NUP188: variants seen among roughly 807,000 people sequenced by gnomAD.
NUP188 encodes the protein nucleoporin 188.
Under a neutral mutation model 223.0 loss-of-function variants are expected in NUP188, and 97 were observed. That is an observed-to-expected ratio of 0.43 (90% confidence interval 0.37 to 0.51). The LOEUF (loss-of-function observed/expected upper bound fraction) is 0.51, where lower values mean the gene tolerates loss of function less well. Among genes scored for constraint, NUP188 ranks in the 20% least tolerant of loss-of-function variants. The pLI, the probability that NUP188 is intolerant of heterozygous loss-of-function variation, is 0.00. For missense variants in NUP188, 1,947 were observed against 2,175.6 expected, an observed-to-expected ratio of 0.89 and a Z score of 2.09; for synonymous variants, 869 against 828.0, an observed-to-expected ratio of 1.05 and a Z score of -0.85.
chr9:128,994,513 G>A, intron 28 of NUP188, 71 bp downstream of exon 28: 4 of 1,031,840 alleles, frequency 3.9e-6, no homozygotes, highest in South Asian at 1.3e-5. Context: ...TGTGAGATGG[G>A]GCCGTAGACA....
chr9:128,956,614 C>G (rs967166666), intron 4 of NUP188, among the ~76,000 whole-genome samples, 180 bp downstream of exon 4: 4 of 152,180 alleles, frequency 2.6e-5, no homozygotes, highest in Admixed American at 2.6e-4. Context: ...GATCCATTCA[C>G]TGCATATCAT....
chr9:129,002,858 G>C lies in NUP188; in HGVS notation c.4179G>C (p.Trp1393Cys). Residue 1393 changes from tryptophan to cysteine, a missense_variant, in exon 37 of 44, where the codon TGG becomes TGC. Coordinates refer to ENST00000372577, the MANE Select transcript of NUP188 (RefSeq NM_015354.3). ...GGAAGTCCCTGGATGCCCCCTCTTG[G>C]CCAGGAGTCTACCGCCTGTCCATGT... ...ASRKSLDAPS[W>C]PGVYRLSMSL... The C allele has an allele frequency of 6.2e-7, 1 of 1,614,172 alleles. No individual in the cohort carries two copies. The highest frequency in any genetic ancestry group is 8.5e-7 in the Non-Finnish European group (1 of 1,180,044).
chr9:128,957,862 C>T, intron 5 of NUP188, 148 bp from the exon 6 acceptor site: 1 of 623,548 alleles, frequency 1.6e-6, no homozygotes, highest in East Asian at 3.0e-5. Flanking sequence ...GGTTTGGGTA[C>T]ATTTGGGTAA....
intron 30 of NUP188, among the ~76,000 whole-genome samples, chr9:128,997,879 C>G (rs918065641): frequency 1.3e-5 from 2 of 151,552 alleles, no homozygotes; most frequent in Non-Finnish European, 2.9e-5. Context: ...CGCCACCATG[C>G]CTGGCTAATT....
At position 128,995,515 on chromosome 9, in the gene NUP188, G is replaced by T; in HGVS notation, c.3351+1G>T. On this transcript the variant is annotated splice_donor_variant, in intron 30 of 43. Transcript: ENST00000372577. LOFTEE classifies it high-confidence loss of function. ...GCTTCTCATCATTGCCACCACTCAT[G>T]TAAGACCCTTTTGGGGAGAGTTTTC... 6.3e-7 allele frequency: 1 copy of T among 1,579,160 alleles called. No individual in the cohort carries two copies. Among genetic ancestry groups the T allele is most frequent in the Non-Finnish European group, 8.6e-7 (1 of 1,164,254 alleles).
chr9:128,997,784 G>A (rs953336581), intron 30 of NUP188, among the ~76,000 whole-genome samples: 2 of 151,868 alleles, frequency 1.3e-5, no homozygotes, highest in South Asian at 2.1e-4. Context: ...GCAGTGGTGC[G>A]ATCTCGGCTC....
Position 128,957,753 on chromosome 9 carries a change from C to T in NUP188, c.328-257C>T, listed in dbSNP as rs548466488. Among the ~76,000 whole-genome samples the T allele has an allele frequency of 1.8e-3, 268 of 152,242 alleles. 3 individuals are homozygous for T. The highest frequency in any genetic ancestry group is 0.011 in the South Asian group (54 of 4,820). ...TACTTGGATTACAGGCGTGAGCCAC[C>T]GCACCCGGCCAGGATTTGGTAGAAT... is the stretch of plus-strand genomic sequence containing the variant. On this transcript the variant is annotated intron_variant, in intron 5 of 43. Coordinates refer to ENST00000372577, the MANE Select transcript of NUP188 (RefSeq NM_015354.3).
Position 129,005,729 on chromosome 9 carries a change from G to A in NUP188, c.4822G>A (p.Gly1608Arg). The A allele has an allele frequency of 6.2e-7, 1 of 1,614,008 alleles. No homozygotes were observed. Among genetic ancestry groups the A allele is most frequent in the Non-Finnish European group, 8.5e-7 (1 of 1,179,982 alleles). Residue 1608 changes from glycine (G) to arginine (R), a missense_variant, in exon 41 of 44, where the codon GGG (glycine) becomes AGG (arginine). By Grantham distance (125) the Gly-to-Arg change is moderately radical (BLOSUM62 -2). Around this residue, in one of 3 missense-constraint regions of NUP188, gnomAD observed 905 missense variants for 990.6 expected, o/e 0.91. Transcript: ENST00000372577. ...TGACTCCGAAGTGGCCCCCTCCTTC[G>A]GGACCCTTCTGGCCACAGTGAATGT... ...TFDSEVAPSFGTLLATVNVAL... is the reference protein window; with the variant it reads ...TFDSEVAPSFRTLLATVNVAL...
intron 1 of NUP188, 57 bp downstream of exon 1, chr9:128,947,808 C>T: frequency 2.3e-6 from 3 of 1,330,008 alleles, no homozygotes; most frequent in Admixed American, 3.4e-5. Context: ...CAAAGCCGAG[C>T]GGAAGCGGGG....
chr9:128,981,406 C>A lies in NUP188; in HGVS notation c.1516+16C>A. 1 of 1,585,194 alleles carries A rather than the reference C, an allele frequency of 6.3e-7. No homozygotes were observed. Among genetic ancestry groups the A allele is most frequent in the Non-Finnish European group, 8.5e-7 (1 of 1,171,706 alleles). Reference sequence around the variant, plus strand: ...TATCCCCTTGGTGAGATAAAGAGATCCCCCTTTTATGACAGCTTTTTTTTT... The same window carrying A: ...TATCCCCTTGGTGAGATAAAGAGATACCCCTTTTATGACAGCTTTTTTTTT... On this transcript the variant is annotated intron_variant, in intron 15 of 43. Coordinates refer to ENST00000372577, the MANE Select transcript of NUP188 (RefSeq NM_015354.3).
At chr9:129,004,145 C>CCA (rs1842730166) in intron 38 of NUP188, among the ~76,000 whole-genome samples, 4 of 151,674 alleles carry the variant, frequency 2.6e-5, no homozygotes, top group Non-Finnish European at 5.9e-5. Flanking sequence ...GGTGTGGTGG[C>CCA]ACACGCCTGT....
At chr9:129,004,399 GCTTCT>G (rs1235674997) in intron 38 of NUP188, 1 of 152,206 alleles carries the variant, frequency 6.6e-6, no homozygotes, top group African/African-American at 2.4e-5. Flanking sequence ...AGCCAGGCAG[GCTTCT>G]CTTATCTGCT....
intron 12 of NUP188, among the ~76,000 whole-genome samples, chr9:128,977,205 C>T (rs1347027298): frequency 2.0e-5 from 3 of 151,102 alleles, no homozygotes; most frequent in African/African-American, 7.3e-5. Flanking sequence ...CTGCAAGCTC[C>T]GCCTCCCGTG....
At position 128,968,205 on chromosome 9, in the gene NUP188, G is replaced by T. The variant is rs1340137098; in HGVS notation, c.586-301G>T. On this transcript the variant is annotated intron_variant, in intron 8 of 43. Transcript: ENST00000372577. ...AGCTGCCATAAGCTATAATTGTACTGCTGCACTCCAGCCTGGGTGATAGAG... is the reference window on the plus strand; with the variant it reads ...AGCTGCCATAAGCTATAATTGTACTTCTGCACTCCAGCCTGGGTGATAGAG... 6.6e-6 allele frequency among the ~76,000 whole-genome samples: 1 copy of T among 151,526 alleles called. No homozygotes were observed. Among genetic ancestry groups the T allele is most frequent in the South Asian group, 2.1e-4 (1 of 4,794 alleles).
rs947146953 is a variant in NUP188 at position 128,969,474 on chromosome 9, G to A, written c.872G>A (p.Arg291Lys). 1.3e-6 allele frequency: 2 copies of A among 1,597,344 alleles called. No individual in the cohort carries two copies. The highest frequency in any genetic ancestry group is 2.7e-5 in the African/African-American group (2 of 73,716). The change falls in exon 10 of 44, where the codon AGA (arginine) becomes AAA (lysine). Residue 291 changes from arginine (R) to lysine (K), a missense_variant. Arg to Lys is a conservative substitution (Grantham distance 26). Transcript: ENST00000372577. Reference sequence around the variant, plus strand: ...CATAAGTGTGCTTTGGATGACAGAAGAGAACTGCATCAGTTTGCGCAGGAT... The same window carrying A: ...CATAAGTGTGCTTTGGATGACAGAAAAGAACTGCATCAGTTTGCGCAGGAT... ...SLHKCALDDR[R>K]ELHQFAQDGL...
At chr9:128,949,142 TG>T (rs1466006997) in intron 1 of NUP188, 46 bp from the exon 2 acceptor site, 1 of 1,422,992 alleles carries the variant, frequency 7.0e-7, no homozygotes, top group Admixed American at 1.7e-5. Context: ...TGTACAAGTT[TG>T]TATGATCAGA....
intron 9 of NUP188, 83 bp downstream of exon 9, chr9:128,968,800 G>A: frequency 9.4e-7 from 1 of 1,064,936 alleles, no homozygotes; most frequent in East Asian, 2.4e-5. Context: ...GTAGGGGGTA[G>A]GTGTACTTTT....
Position 129,005,742 on chromosome 9 carries a change from C to A in NUP188, c.4835C>A (p.Ala1612Asp). Residue 1612 changes from alanine to aspartate, a missense_variant, in exon 41 of 44, where the codon GCC becomes GAC. Physicochemically the swap from Ala to Asp is moderately radical, Grantham distance 126. Transcript: ENST00000372577. ...GCCCCCTCCTTCGGGACCCTTCTGG[C>A]CACAGTGAATGTGGCCCTCAACATG... is the stretch of plus-strand genomic sequence containing the variant. Reference protein sequence around the residue: ...EVAPSFGTLLATVNVALNMLG... With the variant: ...EVAPSFGTLLDTVNVALNMLG... 1.2e-6 allele frequency: 2 copies of A among 1,614,006 alleles called. No individual in the cohort carries two copies. The highest frequency in any genetic ancestry group is 1.7e-6 in the Non-Finnish European group (2 of 1,179,928).
At chr9:128,975,551 G>C (rs1448946396) in intron 12 of NUP188, among the ~76,000 whole-genome samples, 1 of 149,922 alleles carries the variant, frequency 6.7e-6, no homozygotes, top group Non-Finnish European at 1.5e-5. Context: ...ACGGAGTCTC[G>C]CTCTGTCGCC....
Sources: gnomAD v4.1 joint callset for allele counts (sites outside exome capture counted in the v4.1 genomes callset) on GRCh38, gnomAD v4.1.1 for gene constraint, gnomAD v4.1.1 regional missense constraint, MANE v1.5 for transcripts, NCBI Gene and HGNC (gene_info 2026-07-23, HGNC 2026-07-21) for gene names.